Variants in LAMP2 observed in about 807,000 individuals in gnomAD.
LAMP2 encodes the protein lysosome-associated membrane glycoprotein 2.
In LAMP2, 4 loss-of-function variants were observed where a neutral mutation model predicts 25.6. The ratio of observed to expected loss-of-function variants is 0.16; its 90% CI spans 0.08 to 0.36. The LOEUF (loss-of-function observed/expected upper bound fraction) is 0.36. Among genes scored for constraint, LAMP2 ranks in the 10% least tolerant of loss-of-function variants. The probability of loss-of-function intolerance (pLI) is 1.00; values close to 1 mark genes in which losing one functional copy is unlikely to be tolerated. For missense variants in LAMP2, 272 were observed against 301.4 expected, an observed-to-expected ratio of 0.90 and a Z score of 0.72; for synonymous variants, 108 against 112.7, an observed-to-expected ratio of 0.96 and a Z score of 0.27.
chrX:120,464,978 G>A (rs1602545104), intron 1 of LAMP2, among the ~76,000 whole-genome samples: 1 of 111,406 alleles, frequency 9.0e-6, no homozygotes, highest in East Asian at 2.8e-4. Context: ...CCTGACCTCA[G>A]GTGATTTGCC....
chrX:120,462,332 G>C (rs966969496), intron 1 of LAMP2, among the ~76,000 whole-genome samples: 4 of 109,608 alleles, frequency 3.6e-5, no homozygotes. Flanking sequence ...ACCAGCCTGG[G>C]CAACATGGCA....
In LAMP2 at chrX:120,437,699, C is replaced by T. The variant is rs5957387; in HGVS notation, c.1093+4031G>A. ...ATTCTACCATAATGAATAATAACAA[C>T]GAAAGTTTTGATTAGCACAGAACCA... On this transcript the variant is annotated intron_variant, in intron 8 of 8. Transcript: ENST00000200639. 15,881 of 746,850 alleles carry T rather than the reference C, an allele frequency of 0.021. 1,761 individuals are homozygous for T. In the African/African-American group the frequency reaches 0.33, roughly 15 times the overall value. The allele number at this position is 746,850 out of a possible 1,213,427, so 61.5% of individuals were successfully genotyped here. A position where few individuals can be genotyped will look rare whatever the true frequency, so the allele number is the denominator to read the frequency against.
chrX:120,441,601 T>C (rs1336921679), intron 8 of LAMP2, 129 bp downstream of exon 8: 7 of 530,280 alleles, frequency 1.3e-5, no homozygotes, highest in Admixed American at 6.7e-5. Flanking sequence ...AAATATAGAG[T>C]TGCACAATTT....
At position 120,426,741 on chromosome X, in the gene LAMP2, G is replaced by A. The variant is rs1429673988; in HGVS notation, c.*4582C>T. ...AAATATGTATTGAAACAAAGCCACT[G>A]TTTTTTATGATGACATCATTTTAAC... On this transcript the variant is annotated 3_prime_UTR_variant, in exon 9 of 9. Coordinates refer to ENST00000200639, the MANE Select transcript of LAMP2 (RefSeq NM_002294.3). Among the ~76,000 whole-genome samples, 1 of 111,841 alleles carries A rather than the reference G, an allele frequency of 8.9e-6. No individual in the cohort carries two copies. Among genetic ancestry groups the A allele is most frequent in the African/African-American group, 3.2e-5 (1 of 30,777 alleles).
intron 8 of LAMP2, among the ~76,000 whole-genome samples, chrX:120,433,705 T>C (rs2058531911): frequency 1.8e-5 from 2 of 111,954 alleles, no homozygotes; most frequent in Admixed American, 9.5e-5. Context: ...AGTTAACTGC[T>C]ATTTCTATTT....
At chrX:120,434,310 A>G (rs2058533898) in intron 8 of LAMP2, among the ~76,000 whole-genome samples, 2 of 112,359 alleles carry the variant, frequency 1.8e-5, no homozygotes, top group Admixed American at 9.5e-5. Flanking sequence ...ATGTAAGACA[A>G]ATATTCTCAG....
chrX:120,446,868 C>G (rs111578078), intron 5 of LAMP2, among the ~76,000 whole-genome samples: 1 of 111,841 alleles, frequency 8.9e-6, no homozygotes, highest in Non-Finnish European at 1.9e-5. Context: ...CACTCCTGTA[C>G]GCCAACCTAC....
chrX:120,456,290 G>A (rs1176990172), intron 2 of LAMP2, among the ~76,000 whole-genome samples: 1 of 110,522 alleles, frequency 9.0e-6, no homozygotes, highest in Non-Finnish European at 1.9e-5. Flanking sequence ...CAAAATGCTG[G>A]GATCACAGGC....
chrX:120,442,174 G>A (rs1019701800), intron 7 of LAMP2, among the ~76,000 whole-genome samples: 2 of 102,013 alleles, frequency 2.0e-5, no homozygotes, highest in Non-Finnish European at 4.0e-5. Context: ...ACCTGGGATT[G>A]AGCTGTGGTC....
rs952405441 is a variant in LAMP2 at position 120,427,446 on chromosome X, A to T, written c.*3877T>A. 4.5e-5 allele frequency among the ~76,000 whole-genome samples: 5 copies of T among 111,754 alleles called. No individual in the cohort carries two copies. Among genetic ancestry groups the T allele is most frequent in the Non-Finnish European group, 9.4e-5 (5 of 53,151 alleles). On this transcript the variant is annotated 3_prime_UTR_variant, in exon 9 of 9. Transcript: ENST00000200639. The stretch of plus-strand genomic sequence containing the variant: ...CCTACAGGGATATAAGTCTATATCA[A>T]GATCAACAAATGTACAGAATAATCT...
intron 1 of LAMP2, among the ~76,000 whole-genome samples, chrX:120,465,193 T>G (rs907368235): frequency 1.8e-5 from 2 of 110,594 alleles, no homozygotes; most frequent in Non-Finnish European, 3.8e-5. Flanking sequence ...TGGGACACAA[T>G]AGGCATTCAG....
intron 1 of LAMP2, among the ~76,000 whole-genome samples, chrX:120,457,968 C>T (rs1602541599): frequency 8.9e-6 from 1 of 112,368 alleles, no homozygotes; most frequent in East Asian, 2.8e-4. Context: ...CTCTGGAGAC[C>T]TGGCTGCTTT....
At chrX:120,451,868 A>G (rs889869211) in intron 3 of LAMP2, among the ~76,000 whole-genome samples, 1 of 112,395 alleles carries the variant, frequency 8.9e-6, no homozygotes, top group East Asian at 2.8e-4. Context: ...ATATTATTAT[A>G]TAGAAGGTAG....
chrX:120,443,888 G>A (rs1027425530), intron 6 of LAMP2, among the ~76,000 whole-genome samples: 3 of 110,870 alleles, frequency 2.7e-5, no homozygotes, highest in Admixed American at 1.9e-4. Context: ...AGCTGAGGCA[G>A]GAGAATCGCT....
Position 120,446,328 on chromosome X carries a change from A to C in LAMP2, c.841T>G (p.Tyr281Asp), listed in dbSNP as rs1220460748. The change falls in exon 6 of 9, where the codon TAT (tyrosine) becomes GAT (aspartate). Residue 281 changes from tyrosine to aspartate, a missense_variant. Physicochemically the swap from Tyr to Asp is radical, Grantham distance 160. Coordinates refer to ENST00000200639, the MANE Select transcript of LAMP2 (RefSeq NM_002294.3). ...LLRLNSSTIK[Y>D]LDFVFAVKNE... The stretch of plus-strand genomic sequence containing the variant: ...ACCACAGCAAAGACAAAGTCTAGAT[A>C]CTTAATGGTGCTGCTATTGAGTCTA... The C allele has an allele frequency of 8.3e-7, 1 of 1,205,486 alleles. No homozygotes were observed. The highest frequency in any genetic ancestry group is 2.2e-5 in the Admixed American group (1 of 45,652).
At position 120,438,725 on chromosome X, in the gene LAMP2, C is replaced by CA. The variant is rs1468690360; in HGVS notation, c.1093+3004dup. On this transcript the variant is annotated intron_variant, in intron 8 of 8. Transcript: ENST00000200639. ...ACACACACACACACACACACACACA[C>CA]ACACACAAAAAGAGCAAAAGGAGCA... 2 of 776,496 alleles carry CA rather than the reference C, an allele frequency of 2.6e-6. 1 individual carries two copies. Among genetic ancestry groups the CA allele is most frequent in the Non-Finnish European group, 3.1e-6 (2 of 649,702 alleles). The allele number at this position is 776,496 out of a possible 1,213,427, so 64.0% of individuals were successfully genotyped here.
intron 8 of LAMP2, chrX:120,436,562 C>T: frequency 1.4e-6 from 1 of 735,495 alleles, no homozygotes; most frequent in Non-Finnish European, 1.6e-6. Context: ...AGGCAAATAT[C>T]TAAAGATACC....
Position 120,441,853 on chromosome X carries a change from G to C in LAMP2, c.970C>G (p.Pro324Ala). 1.7e-6 allele frequency: 2 copies of C among 1,209,996 alleles called. No individual in the cohort carries two copies. Among genetic ancestry groups the C allele is most frequent in the Non-Finnish European group, 2.2e-6 (2 of 894,026 alleles). Residue 324 changes from proline to alanine, a missense_variant, in exon 8 of 9, where the codon CCC becomes GCC. Pro to Ala is a conservative substitution (Grantham distance 27). Transcript: ENST00000200639. Reference sequence around the variant, plus strand: ...TTGCACATATAAGAACTTCCCAGGGGGGCATCCCAGTAGCTGAGATTGTTA... The same window carrying C: ...TTGCACATATAAGAACTTCCCAGGGCGGCATCCCAGTAGCTGAGATTGTTA... ...ANNNLSYWDA[P>A]LGSSYMCNKE...
intron 3 of LAMP2, 35 bp from the exon 4 acceptor site, chrX:120,449,163 A>G (rs1436344958): frequency 9.3e-7 from 1 of 1,070,270 alleles, no homozygotes; most frequent in Non-Finnish European, 1.3e-6. Context: ...TATTTCCAAG[A>G]AGGTAGGAGA....
Sources: allele counts gnomAD v4.1 joint callset (sites outside exome capture counted in the v4.1 genomes callset), GRCh38; gene constraint gnomAD v4.1.1; transcripts MANE v1.5; gene names NCBI Gene and HGNC (gene_info 2026-07-23, HGNC 2026-07-21).